FMN1: variants seen among roughly 807,000 people sequenced by gnomAD.
The protein encoded by FMN1 is formin 1, also known as formin-1.
A neutral mutation model predicts 132.4 loss-of-function variants in FMN1; 110 were observed. The ratio of observed to expected loss-of-function variants is 0.83; its 90% confidence interval spans 0.71 to 0.97. FMN1 has a LOEUF of 0.97. FMN1 is among the 50% of genes least tolerant of loss of function. The probability of loss-of-function intolerance (pLI) is 0.00; values close to 1 mark genes in which losing one functional copy is unlikely to be tolerated. For missense variants in FMN1, 1,792 were observed against 1,705.3 expected (o/e 1.05, Z -0.90); for synonymous variants, 722 against 651.7 (o/e 1.11, Z -1.64).
At chr15:33,194,479 A>C (rs553704542) in intron 1 of FMN1, 99 bp downstream of exon 1, 1 of 152,880 alleles carries the variant, frequency 6.5e-6, no homozygotes, top group African/African-American at 2.4e-5. Flanking sequence ...GCCTCATTCC[A>C]AGAACCCTGA....
intron 6 of FMN1, among the ~76,000 whole-genome samples, chr15:33,015,749 A>G (rs2035009442): frequency 6.6e-6 from 1 of 152,214 alleles, no homozygotes; most frequent in Non-Finnish European, 1.5e-5. Flanking sequence ...GACGATACTC[A>G]ATCAGTGCTT....
At chr15:33,123,729 T>C (rs1448054914) in intron 4 of FMN1, among the ~76,000 whole-genome samples, 2 of 152,222 alleles carry the variant, frequency 1.3e-5, no homozygotes, top group Admixed American at 1.3e-4. Flanking sequence ...CATCAGCACA[T>C]TGCTTCCTCC....
intron 7 of FMN1, among the ~76,000 whole-genome samples, chr15:32,972,557 C>T (rs1407672403): frequency 6.6e-6 from 1 of 152,174 alleles, no homozygotes; most frequent in Non-Finnish European, 1.5e-5. Context: ...GTTGCACAAG[C>T]ATTGAAATTC....
At chr15:32,830,869 T>C (rs1276239598) in intron 17 of FMN1, among the ~76,000 whole-genome samples, 1 of 152,022 alleles carries the variant, frequency 6.6e-6, no homozygotes, top group Non-Finnish European at 1.5e-5. Flanking sequence ...GCAAATGACA[T>C]CTAAAGACGG....
In FMN1 at chr15:33,154,974, T is replaced by C; in HGVS notation, c.-60A>G. 1 of 1,393,896 alleles carries C rather than the reference T, an allele frequency of 7.2e-7. No homozygotes were observed. The highest frequency in any genetic ancestry group is 2.5e-5 in the East Asian group (1 of 40,166). The allele number at this position is 1,393,896 out of a possible 1,614,324, so 86.3% of individuals were successfully genotyped here. On this transcript the variant is annotated 5_prime_UTR_variant, in exon 4 of 21. Transcript: ENST00000616417. ...CGGTTTGTGGTCAGGCTTCCCAGGC[T>C]CCAGTGGTGAGGCATGTGATGGTGG...
intron 19 of FMN1, among the ~76,000 whole-genome samples, chr15:32,789,305 G>A (rs572848107): frequency 8.6e-4 from 131 of 152,282 alleles, no homozygotes; most frequent in African/African-American, 3.0e-3. Flanking sequence ...AAATTCTGGA[G>A]ATACGATAGC....
intron 6 of FMN1, among the ~76,000 whole-genome samples, chr15:33,031,947 T>C (rs1409336607): frequency 6.6e-6 from 1 of 150,602 alleles, no homozygotes; most frequent in Admixed American, 6.6e-5. Flanking sequence ...TTCACATTTT[T>C]ATGTCATGAA....
rs528085485 is a variant in FMN1, at chr15:32,932,543, A to AT, written c.3139-6283dup. ...TGAATTTGGAAGGGTGACCTCTTCAATTTTTTGGAAGAGTTTGAGAAGCAC... is the reference window on the plus strand; with the variant it reads ...TGAATTTGGAAGGGTGACCTCTTCAATTTTTTTGGAAGAGTTTGAGAAGCAC... On this transcript the variant is annotated intron_variant, in intron 9 of 20. Coordinates refer to ENST00000616417, the MANE Select transcript of FMN1 (RefSeq NM_001277313.2). 1.4e-3 allele frequency among the ~76,000 whole-genome samples: 206 copies of AT among 152,294 alleles called. 5 individuals are homozygous for AT. Among genetic ancestry groups the AT allele is most frequent in the Admixed American group, 0.012 (184 of 15,296 alleles).
At chr15:32,890,685 A>G (rs1282005507) in intron 15 of FMN1, among the ~76,000 whole-genome samples, 1 of 152,188 alleles carries the variant, frequency 6.6e-6, no homozygotes, top group Non-Finnish European at 1.5e-5. Flanking sequence ...TATAGATTGT[A>G]AAGATTTTCT....
At chr15:32,823,231 G>A (rs1006129895) in intron 17 of FMN1, among the ~76,000 whole-genome samples, 3 of 134,882 alleles carry the variant, frequency 2.2e-5, no homozygotes, top group South Asian at 2.4e-4. Flanking sequence ...GCTCAATCTC[G>A]GCTCACTGCA....
At chr15:33,080,400 G>C (rs958472071) in intron 5 of FMN1, among the ~76,000 whole-genome samples, 1 of 152,120 alleles carries the variant, frequency 6.6e-6, no homozygotes, top group Non-Finnish European at 1.5e-5. Context: ...TTTTCTTTGT[G>C]TTAACCACTA....
intron 6 of FMN1, among the ~76,000 whole-genome samples, chr15:33,032,170 G>A (rs2035969010): frequency 6.6e-6 from 1 of 152,134 alleles, no homozygotes; most frequent in African/African-American, 2.4e-5. Context: ...AGGACACTTA[G>A]GGTCATTAGT....
intron 3 of FMN1, among the ~76,000 whole-genome samples, chr15:33,176,904 A>G (rs1230929432): frequency 6.6e-6 from 1 of 152,234 alleles, no homozygotes; most frequent in Non-Finnish European, 1.5e-5. Flanking sequence ...CAGCTAAGAC[A>G]CTGCTTAAGA....
chr15:32,980,395 T>G (rs2032560259), intron 7 of FMN1, among the ~76,000 whole-genome samples: 1 of 152,176 alleles, frequency 6.6e-6, no homozygotes, highest in Admixed American at 6.5e-5. Flanking sequence ...AAACTTGCTT[T>G]ATATATCTGG....
intron 18 of FMN1, among the ~76,000 whole-genome samples, chr15:32,799,699 G>C (rs570488252): frequency 2.0e-5 from 3 of 152,146 alleles, no homozygotes; most frequent in Non-Finnish European, 4.4e-5. Flanking sequence ...CCAGATATCA[G>C]TAAGACCTAT....
chr15:33,155,761 A>C (rs1400251618), intron 3 of FMN1, among the ~76,000 whole-genome samples: 3 of 152,328 alleles, frequency 2.0e-5, no homozygotes, highest in South Asian at 2.1e-4. Context: ...AAAAATCTAT[A>C]AGGAACGGCT....
chr15:32,942,756 G>A (rs1244412318), intron 9 of FMN1, among the ~76,000 whole-genome samples: 1 of 152,152 alleles, frequency 6.6e-6, no homozygotes, highest in East Asian at 1.9e-4. Context: ...AGCACAGTCA[G>A]TTTTATCCTA....
At chr15:33,102,038 A>T (rs1444822188) in intron 4 of FMN1, among the ~76,000 whole-genome samples, 1 of 152,078 alleles carries the variant, frequency 6.6e-6, no homozygotes, top group Non-Finnish European at 1.5e-5. Context: ...TACCAAGTTT[A>T]CTTGTGTCTT....
At chr15:32,967,817 G>C (rs1457517509) in intron 8 of FMN1, among the ~76,000 whole-genome samples, 1 of 152,218 alleles carries the variant, frequency 6.6e-6, no homozygotes, top group East Asian at 1.9e-4. Flanking sequence ...CCTAAGCAAA[G>C]TGTTATATAA....
Sources: gnomAD v4.1 joint callset for allele counts (sites outside exome capture counted in the v4.1 genomes callset) on GRCh38, gnomAD v4.1.1 for gene constraint, MANE v1.5 for transcripts, NCBI Gene and HGNC (gene_info 2026-07-23, HGNC 2026-07-21) for gene names.